The following MYH9 variants were observed in gnomAD, a reference collection of about 807,000 sequenced individuals.
The protein encoded by MYH9 is myosin heavy chain 9.
Under a neutral mutation model 241.9 loss-of-function variants are expected in MYH9, and 29 were observed. The ratio of observed to expected loss-of-function variants is 0.12; its 90% CI spans 0.09 to 0.16. The LOEUF (loss-of-function observed/expected upper bound fraction) is 0.16. Ranked by LOEUF, MYH9 falls within the 10% of genes least tolerant of loss-of-function variation. The probability of loss-of-function intolerance (pLI) is 1.00; values close to 1 mark genes in which losing one functional copy is unlikely to be tolerated. For synonymous variants in MYH9, 1,047 were observed against 1,062.6 expected (o/e 0.99, Z 0.29); for missense variants, 1,803 against 2,595.5 (o/e 0.69, Z 6.63).
rs181547716 is a variant in MYH9, at chr22:36,355,274, A to G, written c.-19-6019T>C. On this transcript the variant is annotated intron_variant, in intron 1 of 40. Transcript: ENST00000216181. The stretch of plus-strand genomic sequence containing the variant: ...CAGGAAATGATGAAACTGAAAGTAA[A>G]TAGGTTGACCAAAAACATCTTCTTT... Among the ~76,000 whole-genome samples the G allele has an allele frequency of 2.0e-5, 3 of 152,316 alleles. No individual in the cohort carries two copies. The East Asian group carries it at 5.8e-4, about 29-fold the overall frequency.
At chr22:36,299,143 A>G (rs2016835267) in intron 23 of MYH9, 101 bp from the exon 24 acceptor site, 13 of 1,476,214 alleles carry the variant, frequency 8.8e-6, no homozygotes, top group Non-Finnish European at 1.2e-5. Flanking sequence ...CTGAATGGAG[A>G]GGGCTTTAGA....
intron 3 of MYH9, among the ~76,000 whole-genome samples, chr22:36,338,011 T>C (rs77029315): frequency 6.6e-6 from 1 of 151,074 alleles, no homozygotes; most frequent in Non-Finnish European, 1.5e-5. Flanking sequence ...TTTTTTTTTT[T>C]AATTGAGACC....
In MYH9 at chr22:36,295,082, C is replaced by T. The variant is rs750568167; in HGVS notation, c.3486-6G>A. The T allele has an allele frequency of 1.9e-6, 3 of 1,614,162 alleles. No homozygotes were observed. The highest frequency in any genetic ancestry group is 2.2e-5 in the South Asian group (2 of 91,074). ...CCTCCTGCTCACGTTTTGACCTGGA[C>T]AGAGAAATCCCCTCAGAGTGGAGGC... is the stretch of plus-strand genomic sequence containing the variant. On this transcript the variant is annotated splice_polypyrimidine_tract_variant and splice_region_variant and intron_variant, in intron 26 of 40. Coordinates refer to ENST00000216181, the MANE Select transcript of MYH9 (RefSeq NM_002473.6). This position sits in a 1 kb window ranked among gnomAD's most constrained non-coding sequence, Gnocchi z 4.1.
At chr22:36,347,801 CAA>C (rs36028454) in intron 2 of MYH9, among the ~76,000 whole-genome samples, 5 of 47,050 alleles carry the variant, frequency 1.1e-4, no homozygotes, top group Admixed American at 2.5e-4. Context: ...GACCCTGTCT[CAA>C]AAAAAAAAAA....
At chr22:36,303,856 C>G in intron 19 of MYH9, 139 bp downstream of exon 19, 7 of 769,810 alleles carry the variant, frequency 9.1e-6, no homozygotes, top group Non-Finnish European at 1.5e-5. Context: ...AATCCAGGAA[C>G]AGGGGTAGGA....
At chr22:36,337,272 T>C (rs2017514087) in intron 3 of MYH9, among the ~76,000 whole-genome samples, 1 of 152,194 alleles carries the variant, frequency 6.6e-6, no homozygotes, top group South Asian at 2.1e-4. Flanking sequence ...CTAAAAATCC[T>C]ACAGTGCTCA....
At chr22:36,380,932 C>G (rs899270099) in intron 1 of MYH9, among the ~76,000 whole-genome samples, 1 of 152,062 alleles carries the variant, frequency 6.6e-6, no homozygotes, top group African/African-American at 2.4e-5. Flanking sequence ...TCTTCTCATA[C>G]AGCAAAGAAA....
intron 23 of MYH9, 150 bp from the exon 24 acceptor site, chr22:36,299,192 G>T: frequency 8.2e-7 from 1 of 1,212,668 alleles, no homozygotes; most frequent in Non-Finnish European, 1.2e-6. Flanking sequence ...TAGATCAAAG[G>T]ATAATTTTGA....
In MYH9 at chr22:36,342,818, G is replaced by A. The variant is rs138936678; in HGVS notation, c.334-1292C>T. 3.2e-3 allele frequency among the ~76,000 whole-genome samples: 490 copies of A among 152,266 alleles called. 3 individuals are homozygous for A. The highest frequency in any genetic ancestry group is 0.011 in the African/African-American group (462 of 41,550). On this transcript the variant is annotated intron_variant, in intron 2 of 40. Transcript: ENST00000216181. ...GGGCTCCACGCACCACATCACCTAC[G>A]GCCCTGCCTCTGTGAAGTGATGATG...
intron 14 of MYH9, among the ~76,000 whole-genome samples, chr22:36,311,616 A>G (rs2157256): frequency 0.55 from 83,021 of 152,010 alleles, 24,648 homozygotes; most frequent in Non-Finnish European, 0.68. Context: ...TTTAATCCAC[A>G]TAATCCTGTA....
At position 36,329,810 on chromosome 22, in the gene MYH9, C is replaced by T. The variant is rs936436858; in HGVS notation, c.491-2322G>A. Among the ~76,000 whole-genome samples the T allele has an allele frequency of 2.6e-5, 4 of 152,172 alleles. No individual in the cohort carries two copies. Among genetic ancestry groups the T allele is most frequent in the East Asian group, 1.9e-4 (1 of 5,194 alleles). ...AAGGGCATGGACACACACATAGACA[C>T]GCAAGCATCTGTGCATACACAGTCA... On this transcript the variant is annotated intron_variant, in intron 3 of 40. Transcript: ENST00000216181. The surrounding 1 kb of genome is among the most constrained non-coding windows in gnomAD (Gnocchi z 4.1).
chr22:36,319,053 C>G (rs937974624), intron 10 of MYH9, among the ~76,000 whole-genome samples: 15 of 152,150 alleles, frequency 9.9e-5, no homozygotes, highest in Non-Finnish European at 2.9e-5. Flanking sequence ...TGAGCCACCA[C>G]GCCCGGTCAG....
At chr22:36,365,083 G>C (rs1468224647) in intron 1 of MYH9, 1 of 151,624 alleles carries the variant, frequency 6.6e-6, no homozygotes, top group Non-Finnish European at 1.5e-5. Context: ...CCCAGAGCTG[G>C]GCTCGGGGCA....
intron 1 of MYH9, among the ~76,000 whole-genome samples, chr22:36,387,087 G>A (rs1428005279): frequency 6.6e-6 from 1 of 152,254 alleles, no homozygotes; most frequent in Non-Finnish European, 1.5e-5. Flanking sequence ...GAGGGCTGGA[G>A]CAGGGACTGG....
At position 36,299,154 on chromosome 22, in the gene MYH9, C is replaced by A; in HGVS notation, c.2977-112G>T. ...GGGGCTGAATGGAGAGGGCTTTAGA[C>A]GCTTGATCAAGTTCATTAGGATTTT... On this transcript the variant is annotated intron_variant, in intron 23 of 40. Coordinates refer to ENST00000216181, the MANE Select transcript of MYH9 (RefSeq NM_002473.6). 6 of 1,398,116 alleles carry A rather than the reference C, an allele frequency of 4.3e-6. No individual in the cohort carries two copies. The South Asian group carries it at 4.7e-5, about 11-fold the overall frequency. 86.6% of individuals were successfully genotyped at this position (1,398,116 alleles called of 1,614,324 possible).
intron 1 of MYH9, among the ~76,000 whole-genome samples, chr22:36,379,234 G>A (rs951540067): frequency 2.6e-5 from 4 of 152,214 alleles, no homozygotes; most frequent in East Asian, 1.9e-4. Flanking sequence ...GAGGCCAGGC[G>A]TGGTGGCTCA....
intron 1 of MYH9, among the ~76,000 whole-genome samples, chr22:36,365,302 A>C (rs1265505861): frequency 6.6e-6 from 1 of 152,092 alleles, no homozygotes; most frequent in African/African-American, 2.4e-5. Flanking sequence ...TAAGCCCTTT[A>C]GTAAAGGAGT....
In MYH9 at chr22:36,320,956, A is replaced by ATTTTT; in HGVS notation, c.770-65_770-61dup. ...AGAAGGCAAGCCCTCCACTTTCCTC[A>ATTTTT]TTTTTTTTTTTTTGGAGACAGAGTC... is the stretch of plus-strand genomic sequence containing the variant. On this transcript the variant is annotated intron_variant, in intron 7 of 40. Coordinates refer to ENST00000216181, the MANE Select transcript of MYH9 (RefSeq NM_002473.6). This position sits in a 1 kb window ranked among gnomAD's most constrained non-coding sequence, Gnocchi z 4.8. 1 of 1,213,188 alleles carries ATTTTT rather than the reference A, an allele frequency of 8.2e-7. No individual in the cohort carries two copies. The highest frequency in any genetic ancestry group is 1.6e-5 in the African/African-American group (1 of 63,594). The allele number at this position is 1,213,188 out of a possible 1,614,324, so 75.2% of individuals were successfully genotyped here. A position where few individuals can be genotyped will look rare whatever the true frequency, so the allele number is the denominator to read the frequency against.
chr22:36,369,535 A>C (rs2018060608), intron 1 of MYH9, among the ~76,000 whole-genome samples: 1 of 152,196 alleles, frequency 6.6e-6, no homozygotes, highest in Non-Finnish European at 1.5e-5. Context: ...CAGGTTCCCC[A>C]CAAGGACCAG....
Sources: allele counts gnomAD v4.1 joint callset (sites outside exome capture counted in the v4.1 genomes callset), GRCh38; gene constraint gnomAD v4.1.1; non-coding constraint Gnocchi (gnomAD v3.1); transcripts MANE v1.5; gene names NCBI Gene and HGNC (gene_info 2026-07-23, HGNC 2026-07-21).